The following CSMD1 variants were observed in gnomAD, a reference collection of about 807,000 sequenced individuals.
CSMD1 encodes CUB and sushi domain-containing protein 1.
In CSMD1, 213 loss-of-function variants were observed where a neutral mutation model predicts 417.5. The observed-to-expected ratio is 0.51, with a 90% CI of 0.46 to 0.57. CSMD1 has a LOEUF of 0.57. Ranked by LOEUF, CSMD1 falls within the 20% of genes least tolerant of loss-of-function variation. The pLI is 0.00. For synonymous variants in CSMD1, 2,862 were observed against 1,736.8 expected, an observed-to-expected ratio of 1.65 and a Z score of -16.11; for missense variants, 6,923 against 4,529.7, an observed-to-expected ratio of 1.53 and a Z score of -15.17.
chr8:4,623,892 T>C (rs187423671), intron 2 of CSMD1, among the ~76,000 whole-genome samples: 17 of 152,232 alleles, frequency 1.1e-4, no homozygotes, highest in Middle Eastern at 3.4e-3. Context: ...TTGTGGGTGA[T>C]AGAAATATTC....
intron 3 of CSMD1, among the ~76,000 whole-genome samples, chr8:4,289,291 T>C (rs1446726018): frequency 2.0e-5 from 3 of 152,236 alleles, no homozygotes; most frequent in African/African-American, 7.2e-5. Flanking sequence ...CCTACATAAT[T>C]TCACCCATTA....
At chr8:4,372,421 A>T (rs74785877) in intron 3 of CSMD1, among the ~76,000 whole-genome samples, 4 of 152,132 alleles carry the variant, frequency 2.6e-5, no homozygotes, top group Non-Finnish European at 5.9e-5. Context: ...TATTTGACAT[A>T]TATTTTTGTA....
intron 68 of CSMD1, 83 bp from the exon 69 acceptor site, chr8:2,942,687 C>T (rs1180349196): frequency 4.1e-5 from 45 of 1,109,248 alleles, no homozygotes; most frequent in East Asian, 1.1e-4. Flanking sequence ...TAAATGGATA[C>T]GAACTCTTCA....
intron 5 of CSMD1, among the ~76,000 whole-genome samples, chr8:3,942,627 T>C (rs1431478509): frequency 1.3e-5 from 2 of 152,208 alleles, no homozygotes; most frequent in Admixed American, 1.3e-4. Flanking sequence ...GCCATTCTAC[T>C]TACTGGTTAG....
chr8:3,364,607 TATGTC>T (rs936703985), intron 20 of CSMD1, among the ~76,000 whole-genome samples: 2 of 152,170 alleles, frequency 1.3e-5, no homozygotes, highest in African/African-American at 4.8e-5. Context: ...TGGGAGTGTT[TATGTC>T]ATGAGGGACC....
At chr8:3,688,786 G>C (rs1487588346) in intron 7 of CSMD1, among the ~76,000 whole-genome samples, 2 of 152,008 alleles carry the variant, frequency 1.3e-5, no homozygotes, top group Admixed American at 1.3e-4. Flanking sequence ...ACATGCTAGA[G>C]TATACTGTAA....
chr8:2,966,610 T>C lies in CSMD1; in HGVS notation c.9060A>G (p.Thr3020=), dbSNP rs775325351. ...KTSGLMTRHC[T]ANGTWTGTAP... ...CAGTGCCTGTCCAGGTCCCATTGGC[T>C]GTGCAATGCCGTGTCATGAGCCCTG... Residue 3020 remains threonine, a synonymous_variant, in exon 58 of 70, where the codon ACA becomes ACG. Coordinates refer to ENST00000635120, the MANE Select transcript of CSMD1 (RefSeq NM_033225.6). The C allele has an allele frequency of 6.2e-7, 1 of 1,613,836 alleles. No individual in the cohort carries two copies.
chr8:3,930,580 C>A (rs527618583), intron 5 of CSMD1, among the ~76,000 whole-genome samples: 1 of 150,306 alleles, frequency 6.7e-6, no homozygotes, highest in African/African-American at 2.5e-5. Flanking sequence ...TCTGAGGTCC[C>A]GTTCCAGCCA....
At position 4,583,261 on chromosome 8, in the gene CSMD1, C is replaced by T. The variant is rs1044968129; in HGVS notation, c.302+54081G>A. Among the ~76,000 whole-genome samples, 15 of 152,218 alleles carry T rather than the reference C, an allele frequency of 9.9e-5. No individual in the cohort carries two copies. In the South Asian group the frequency reaches 1.0e-3, roughly 10 times the overall value. ...GGCAGCTCCACCTGCAGCCGTGGTG[C>T]GGGACCCACCGAGTGAAGCCAGCTG... is the stretch of plus-strand genomic sequence containing the variant. On this transcript the variant is annotated intron_variant, in intron 2 of 69. Coordinates refer to ENST00000635120, the MANE Select transcript of CSMD1 (RefSeq NM_033225.6).
chr8:3,294,348 G>C (rs1026334267), intron 25 of CSMD1, among the ~76,000 whole-genome samples: 1 of 152,220 alleles, frequency 6.6e-6, no homozygotes, highest in Non-Finnish European at 1.5e-5. Flanking sequence ...GCTCTTCAAA[G>C]CTGTCAGACA....
chr8:4,346,537 A>T (rs1016238016), intron 3 of CSMD1, among the ~76,000 whole-genome samples: 1 of 152,130 alleles, frequency 6.6e-6, no homozygotes, highest in African/African-American at 2.4e-5. Context: ...CAGTTACAGA[A>T]AACTTTCAGT....
intron 3 of CSMD1, among the ~76,000 whole-genome samples, chr8:4,378,131 T>G (rs978417841): frequency 1.3e-5 from 2 of 152,138 alleles, no homozygotes; most frequent in Non-Finnish European, 2.9e-5. Context: ...TGGCATGGAG[T>G]GTACATGCTT....
rs149858232 is a variant in CSMD1, at chr8:3,723,025, C to A, written c.932-14534G>T. Among the ~76,000 whole-genome samples the A allele has an allele frequency of 2.0e-3, 310 of 152,290 alleles. 1 individual carries two copies. The highest frequency in any genetic ancestry group is 7.2e-3 in the African/African-American group (298 of 41,566). On this transcript the variant is annotated intron_variant, in intron 6 of 69. Transcript: ENST00000635120. The stretch of plus-strand genomic sequence containing the variant: ...GTGAAGCTCAGCTGGGCCCTCTGAG[C>A]TGGGTCTAACACTCAAGGAACTAGC...
At chr8:3,571,920 G>A (rs1799960494) in intron 10 of CSMD1, among the ~76,000 whole-genome samples, 1 of 152,190 alleles carries the variant, frequency 6.6e-6, no homozygotes, top group Non-Finnish European at 1.5e-5. Context: ...AGGGCTACAG[G>A]AAGAAGTGAA....
At chr8:4,101,099 C>T (rs746236100) in intron 3 of CSMD1, among the ~76,000 whole-genome samples, 1 of 152,158 alleles carries the variant, frequency 6.6e-6, no homozygotes, top group Non-Finnish European at 1.5e-5. Context: ...ATGCATCTAC[C>T]GGTTAACCAG....
chr8:3,227,857 T>C (rs899473762), intron 27 of CSMD1, among the ~76,000 whole-genome samples: 3 of 151,886 alleles, frequency 2.0e-5, no homozygotes, highest in Non-Finnish European at 4.4e-5. Context: ...AACTTCTAGC[T>C]CCTGGGTTCA....
intron 1 of CSMD1, among the ~76,000 whole-genome samples, chr8:4,966,417 TCTC>T (rs1809862426): frequency 6.6e-6 from 1 of 151,884 alleles, no homozygotes; most frequent in South Asian, 2.1e-4. Context: ...TTCCAAACTA[TCTC>T]CCGGTATTTG....
At chr8:4,562,295 A>G (rs2130616417) in intron 2 of CSMD1, among the ~76,000 whole-genome samples, 1 of 152,328 alleles carries the variant, frequency 6.6e-6, no homozygotes, top group African/African-American at 2.4e-5. Context: ...AACCTGCTGG[A>G]GTGGAGGACT....
rs550897859 is a variant in CSMD1 at position 3,745,524 on chromosome 8, T to C, written c.931+8406A>G. Among the ~76,000 whole-genome samples, 4 of 152,344 alleles carry C rather than the reference T, an allele frequency of 2.6e-5. No individual in the cohort carries two copies. In the South Asian group the frequency reaches 8.3e-4, roughly 32 times the overall value. On this transcript the variant is annotated intron_variant, in intron 6 of 69. Transcript: ENST00000635120. ...TACAACAGGAAACTCGCCCAGGATCTAATCATCACAATTTTCAGTGGTTGC... is the reference window on the plus strand; with the variant it reads ...TACAACAGGAAACTCGCCCAGGATCCAATCATCACAATTTTCAGTGGTTGC...
Sources: gnomAD v4.1 joint callset for allele counts (sites outside exome capture counted in the v4.1 genomes callset) on GRCh38, gnomAD v4.1.1 for gene constraint, MANE v1.5 for transcripts, NCBI Gene and HGNC (gene_info 2026-07-23, HGNC 2026-07-21) for gene names.